Variants in ANKRD54 observed in about 807,000 individuals in gnomAD.
ANKRD54 encodes ankyrin repeat domain 54.
In ANKRD54, 26 loss-of-function variants were observed where a neutral mutation model predicts 36.2. That is an observed-to-expected ratio of 0.72 (90% CI 0.53 to 1.00). The LOEUF (loss-of-function observed/expected upper bound fraction) is 1.00. Ranked by LOEUF, ANKRD54 falls within the 50% of genes least tolerant of loss-of-function variation. ANKRD54 has a pLI of 0.00. For missense variants in ANKRD54, 384 were observed against 424.3 expected (o/e 0.91, Z 0.83); for synonymous variants, 209 against 188.4 (o/e 1.11, Z -0.89).
In ANKRD54 at chr22:37,842,898, G is replaced by A. The variant is rs150765833; in HGVS notation, c.328+1013C>T. 3.4e-3 allele frequency among the ~76,000 whole-genome samples: 521 copies of A among 152,286 alleles called. 5 individuals are homozygous for A. The highest frequency in any genetic ancestry group is 0.012 in the African/African-American group (502 of 41,548). On this transcript the variant is annotated intron_variant, in intron 1 of 7. Coordinates refer to ENST00000215941, the MANE Select transcript of ANKRD54 (RefSeq NM_138797.4). ...TATACCAGAGGAGAAGTTTGAGTCG[G>A]GCTGACCCGGATTCTAATACCAGCA...
At chr22:37,832,793 C>T in intron 6 of ANKRD54, 49 bp from the exon 7 acceptor site, 1 of 1,607,596 alleles carries the variant, frequency 6.2e-7, no homozygotes, top group Non-Finnish European at 8.5e-7. Context: ...GGGAGGCAGA[C>T]AGGCTGATGC....
At position 37,831,492 on chromosome 22, in the gene ANKRD54, A is replaced by T. The variant is rs891390345; in HGVS notation, c.*451T>A. ...TCTAAGTGCTGGTGAGAGGCACAGG[A>T]CCAACTGAGGGCCTCACGCAGTACC... On this transcript the variant is annotated 3_prime_UTR_variant, in exon 8 of 8. Coordinates refer to ENST00000215941, the MANE Select transcript of ANKRD54 (RefSeq NM_138797.4). The T allele has an allele frequency of 3.5e-5, 6 of 170,264 alleles. No homozygotes were observed. Among genetic ancestry groups the T allele is most frequent in the African/African-American group, 1.4e-4 (6 of 42,342 alleles). 10.5% of individuals were successfully genotyped at this position (170,264 alleles called of 1,614,324 possible). A position where few individuals can be genotyped will look rare whatever the true frequency, so the allele number is the denominator to read the frequency against.
chr22:37,848,921 A>C (rs868185910), upstream of ANKRD54: 17 of 163,018 alleles, frequency 1.0e-4, no homozygotes, highest in Middle Eastern at 2.7e-3. Context: ...AATCTACACC[A>C]CTATTATAGA....
upstream of ANKRD54, among the ~76,000 whole-genome samples, chr22:37,847,323 C>T (rs945500441): frequency 6.8e-4 from 103 of 151,772 alleles, no homozygotes; most frequent in African/African-American, 2.2e-3. Context: ...CCACCATGCC[C>T]GGCTAATTTT....
chr22:37,836,470 AAAG>A (rs1442063950), intron 3 of ANKRD54, among the ~76,000 whole-genome samples: 1 of 150,726 alleles, frequency 6.6e-6, no homozygotes, highest in African/African-American at 2.4e-5. Flanking sequence ...AAAAAAAAAA[AAAG>A]GACAAAAGAT....
chr22:37,846,833 A>G (rs553936049), upstream of ANKRD54, among the ~76,000 whole-genome samples: 93 of 152,150 alleles, frequency 6.1e-4, 1 homozygote, highest in South Asian at 8.1e-3. Flanking sequence ...TATATGGACT[A>G]TAAGATTTCA....
chr22:37,843,024 T>C (rs1924469387), intron 1 of ANKRD54, among the ~76,000 whole-genome samples: 2 of 152,228 alleles, frequency 1.3e-5, no homozygotes, highest in Admixed American at 1.3e-4. Context: ...AGAGTTCTTG[T>C]GAGGACAGAT....
At chr22:37,839,858 A>C (rs898025668) in intron 2 of ANKRD54, among the ~76,000 whole-genome samples, 2 of 152,208 alleles carry the variant, frequency 1.3e-5, no homozygotes, top group Non-Finnish European at 2.9e-5. Context: ...ATTAACCACA[A>C]GTTCCAAAGT....
chr22:37,846,892 C>T (rs986454674), upstream of ANKRD54, among the ~76,000 whole-genome samples: 1 of 141,762 alleles, frequency 7.1e-6, no homozygotes, highest in African/African-American at 2.5e-5. Context: ...CTCGCTCTGT[C>T]GCCCAGGCTG....
At chr22:37,835,773 G>A (rs1237275816) in intron 3 of ANKRD54, among the ~76,000 whole-genome samples, 1 of 152,154 alleles carries the variant, frequency 6.6e-6, no homozygotes, top group East Asian at 1.9e-4. Context: ...GCCACTGCAC[G>A]TAAGCCTGGA....
Position 37,833,142 on chromosome 22 carries a change from G to C in ANKRD54, c.595+17C>G. On this transcript the variant is annotated intron_variant, in intron 5 of 7. Coordinates refer to ENST00000215941, the MANE Select transcript of ANKRD54 (RefSeq NM_138797.4). ...TGAGGGGGAGAAAGAGGACAGAGAG[G>C]GGAAGAAACCACATACCTCCTCGTA... 1 of 1,613,896 alleles carries C rather than the reference G, an allele frequency of 6.2e-7. No individual in the cohort carries two copies. Among genetic ancestry groups the C allele is most frequent in the Non-Finnish European group, 8.5e-7 (1 of 1,179,984 alleles).
rs1224422906 is a variant in ANKRD54, at chr22:37,831,896, A to G, written c.*47T>C. On this transcript the variant is annotated 3_prime_UTR_variant, in exon 8 of 8. Coordinates refer to ENST00000215941, the MANE Select transcript of ANKRD54 (RefSeq NM_138797.4). ...GGCTTTTTCTTGGTACTGAGACAGC[A>G]GTGGGGCAGGGTGGGGCAGTGGCAG... The G allele has an allele frequency of 6.3e-7, 1 of 1,593,552 alleles. No homozygotes were observed. Among genetic ancestry groups the G allele is most frequent in the Non-Finnish European group, 8.6e-7 (1 of 1,164,510 alleles).
chr22:37,836,354 G>A (rs1438416487), intron 3 of ANKRD54, among the ~76,000 whole-genome samples: 1 of 146,506 alleles, frequency 6.8e-6, no homozygotes, highest in Non-Finnish European at 1.5e-5. Flanking sequence ...GATGAGGCAG[G>A]AGAATCACTT....
chr22:37,840,083 G>A (rs1924032306), intron 2 of ANKRD54, 104 bp downstream of exon 2: 2 of 1,331,664 alleles, frequency 1.5e-6, no homozygotes, highest in Non-Finnish European at 2.2e-6. Flanking sequence ...CCTGCTCCAA[G>A]GGCGTGAGTT....
intron 2 of ANKRD54, among the ~76,000 whole-genome samples, chr22:37,839,170 C>T (rs900832939): frequency 2.6e-5 from 4 of 151,682 alleles, no homozygotes; most frequent in East Asian, 3.9e-4. Flanking sequence ...CCACCACACC[C>T]GGCCCGAAAA....
At position 37,832,013 on chromosome 22, in the gene ANKRD54, T is replaced by A; in HGVS notation, c.833A>T (p.Asp278Val). 6.2e-7 allele frequency: 1 copy of A among 1,612,806 alleles called. No individual in the cohort carries two copies. The highest frequency in any genetic ancestry group is 8.5e-7 in the Non-Finnish European group (1 of 1,179,536). Residue 278 changes from aspartate (D) to valine (V), a missense_variant, in exon 8 of 8, where the codon GAT (aspartate) becomes GTT (valine). Physicochemically the swap from Asp to Val is radical, Grantham distance 152 (BLOSUM62 -3). Around this residue, in one of 3 missense-constraint regions of ANKRD54, gnomAD observed 179 missense variants for 224.0 expected, o/e 0.80. Transcript: ENST00000215941. ...LQMTSTKEQV[D>V]EVTDLLASFT... Reference sequence around the variant, plus strand: ...GCTGGCCAGGAGGTCAGTCACTTCATCCACCTGCAGGACGGAACAGAGGCT... The same window carrying A: ...GCTGGCCAGGAGGTCAGTCACTTCAACCACCTGCAGGACGGAACAGAGGCT...
At chr22:37,849,315 T>C (rs760281220), upstream of ANKRD54, 6 of 1,073,812 alleles carry the variant, frequency 5.6e-6, no homozygotes, top group African/African-American at 6.2e-5. Context: ...GATATGGCTG[T>C]CTCAGATGGC....
intron 4 of ANKRD54, among the ~76,000 whole-genome samples, chr22:37,833,416 A>C (rs969756215): frequency 6.6e-6 from 1 of 152,150 alleles, no homozygotes; most frequent in Non-Finnish European, 1.5e-5. Flanking sequence ...TGGAGATAGG[A>C]TCTGCCTCAG....
chr22:37,838,018 C>T (rs1923759483), intron 3 of ANKRD54, among the ~76,000 whole-genome samples: 1 of 152,028 alleles, frequency 6.6e-6, no homozygotes, highest in African/African-American at 2.4e-5. Flanking sequence ...GCCTGTAGTC[C>T]CAGCTACTTG....
Sources: gnomAD v4.1 joint callset for allele counts (sites outside exome capture counted in the v4.1 genomes callset) on GRCh38, gnomAD v4.1.1 for gene constraint, gnomAD v4.1.1 regional missense constraint, MANE v1.5 for transcripts, NCBI Gene and HGNC (gene_info 2026-07-23, HGNC 2026-07-21) for gene names.